The following PRDM16 variants were observed in gnomAD, a reference collection of about 807,000 sequenced individuals.
The protein encoded by PRDM16 is PR/SET domain 16.
PRDM16 carries 23 observed loss-of-function variants against 110.6 expected under a neutral mutation model. The ratio of observed to expected loss-of-function variants is 0.21; its 90% CI spans 0.15 to 0.29. The LOEUF (loss-of-function observed/expected upper bound fraction) is 0.29. Ranked by LOEUF, PRDM16 falls within the 10% of genes least tolerant of loss-of-function variation. PRDM16 has a pLI of 1.00. For missense variants in PRDM16, 1,615 were observed against 1,794.3 expected, an observed-to-expected ratio of 0.90 and a Z score of 1.81; for synonymous variants, 799 against 781.8, an observed-to-expected ratio of 1.02 and a Z score of -0.37.
At chr1:3,395,229 G>T (rs768273854) in intron 4 of PRDM16, among the ~76,000 whole-genome samples, 1 of 152,142 alleles carries the variant, frequency 6.6e-6, no homozygotes, top group Non-Finnish European at 1.5e-5. Context: ...GCCCTGTCTC[G>T]GGGGTGCCCA....
At chr1:3,110,131 C>T in intron 1 of PRDM16, among the ~76,000 whole-genome samples, 1 of 146,014 alleles carries the variant, frequency 6.8e-6, no homozygotes, top group Non-Finnish European at 1.5e-5. Flanking sequence ...TGTGGGGACA[C>T]AGTGTCTGCG....
chr1:3,123,001 G>A (rs1295205837), intron 1 of PRDM16, among the ~76,000 whole-genome samples: 1 of 152,156 alleles, frequency 6.6e-6, no homozygotes, highest in Non-Finnish European at 1.5e-5. Flanking sequence ...TGTGCAAGGG[G>A]CCAAGGTGGG....
rs138275819 is a variant in PRDM16, at chr1:3,118,478, G to A, written c.37+49182G>A. 2.0e-3 allele frequency among the ~76,000 whole-genome samples: 310 copies of A among 152,328 alleles called. 1 individual carries two copies. The highest frequency in any genetic ancestry group is 7.3e-3 in the African/African-American group (305 of 41,582). On this transcript the variant is annotated intron_variant, in intron 1 of 16. Coordinates refer to ENST00000270722, the MANE Select transcript of PRDM16 (RefSeq NM_022114.4). ...GGGGCAGCTTTGGGAGCTAGAAGTGGTTGGATTCCGGGTAGTGTGGCCAGG... is the reference window on the plus strand; with the variant it reads ...GGGGCAGCTTTGGGAGCTAGAAGTGATTGGATTCCGGGTAGTGTGGCCAGG...
Position 3,181,461 on chromosome 1 carries a change from C to T in PRDM16, c.38-4664C>T, listed in dbSNP as rs1459200682. 2.9e-3 allele frequency among the ~76,000 whole-genome samples: 221 copies of T among 76,968 alleles called. 103 individuals carry two copies. Among genetic ancestry groups the T allele is most frequent in the Non-Finnish European group, 4.8e-3 (165 of 34,402 alleles). 50.5% of individuals were successfully genotyped at this position (76,968 alleles called of 152,430 possible). A position where few individuals can be genotyped will look rare whatever the true frequency, so the allele number is the denominator to read the frequency against. On this transcript the variant is annotated intron_variant, in intron 1 of 16. Transcript: ENST00000270722. ...AAGCAGTCTTACACGGTCTTACACA[C>T]GGTCTTACACACGCAGTCTTACACA...
chr1:3,295,581 G>C (rs56250186), intron 3 of PRDM16, among the ~76,000 whole-genome samples: 1 of 152,076 alleles, frequency 6.6e-6, no homozygotes, highest in East Asian at 1.9e-4. Flanking sequence ...TCACCTCCCC[G>C]GGGGCCGTAA....
At chr1:3,184,229 G>T (rs56368055) in intron 1 of PRDM16, among the ~76,000 whole-genome samples, 1 of 152,186 alleles carries the variant, frequency 6.6e-6, no homozygotes, top group Non-Finnish European at 1.5e-5. Context: ...TTTTCCTTAC[G>T]ACTTTTCCCC....
Position 3,244,278 on chromosome 1 carries a change from G to A in PRDM16, c.438+141G>A, listed in dbSNP as rs771460917. On this transcript the variant is annotated intron_variant, in intron 3 of 16. Transcript: ENST00000270722. The surrounding 1 kb of genome is among the most constrained non-coding windows in gnomAD (Gnocchi z 4.1). ...GCAGGCCCCGAGCAATGTGTTATCT[G>A]TGGACTGACGTGTGCACAGGACGGT... 4.0e-6 allele frequency: 3 copies of A among 755,282 alleles called. No homozygotes were observed. Among genetic ancestry groups the A allele is most frequent in the Admixed American group, 2.1e-5 (1 of 47,642 alleles). 46.8% of individuals were successfully genotyped at this position (755,282 alleles called of 1,614,324 possible).
intron 2 of PRDM16, among the ~76,000 whole-genome samples, chr1:3,224,613 C>T (rs1274378994): frequency 2.0e-5 from 3 of 152,248 alleles, no homozygotes; most frequent in Non-Finnish European, 2.9e-5. Context: ...GTGCTCCGGT[C>T]TGACTTGTCT....
rs182736664 is a variant in PRDM16 at position 3,164,210 on chromosome 1, C to T, written c.38-21915C>T. ...GCGTGAGAAACACAGGAGATCATTC[C>T]GTGTTCGTGGTTTTGTAAGGTTTGA... On this transcript the variant is annotated intron_variant, in intron 1 of 16. Transcript: ENST00000270722. Among the ~76,000 whole-genome samples, 394 of 152,354 alleles carry T rather than the reference C, an allele frequency of 2.6e-3. 1 individual carries two copies. The highest frequency in any genetic ancestry group is 4.2e-3 in the Admixed American group (65 of 15,304).
chr1:3,343,496 T>C (rs966141826), intron 3 of PRDM16, among the ~76,000 whole-genome samples: 3 of 144,016 alleles, frequency 2.1e-5, no homozygotes, highest in Admixed American at 7.1e-5. Flanking sequence ...TTTAGTGCTT[T>C]GTTCAGACTT....
At chr1:3,216,167 C>A (rs1018747564) in intron 2 of PRDM16, among the ~76,000 whole-genome samples, 1 of 152,220 alleles carries the variant, frequency 6.6e-6, no homozygotes, top group Non-Finnish European at 1.5e-5. Flanking sequence ...AGGCCACACT[C>A]TCTTTCCATG....
chr1:3,336,338 A>C (rs1410128433), intron 3 of PRDM16, among the ~76,000 whole-genome samples: 3 of 142,094 alleles, frequency 2.1e-5, no homozygotes, highest in Non-Finnish European at 4.8e-5. Flanking sequence ...ATGTGTGTAC[A>C]TGCACATGTG....
chr1:3,421,695 C>T (rs1638434500), intron 12 of PRDM16, among the ~76,000 whole-genome samples: 1 of 152,246 alleles, frequency 6.6e-6, no homozygotes, highest in Non-Finnish European at 1.5e-5. Context: ...GGGACTTGCT[C>T]TCCAGTTTTA....
chr1:3,313,976 A>G (rs1185128841), intron 3 of PRDM16, among the ~76,000 whole-genome samples: 1 of 150,982 alleles, frequency 6.6e-6, no homozygotes, highest in Non-Finnish European at 1.5e-5. Context: ...CATTCATCTG[A>G]ATATGAAATG....
At chr1:3,254,228 A>G (rs1640000351) in intron 3 of PRDM16, among the ~76,000 whole-genome samples, 1 of 152,130 alleles carries the variant, frequency 6.6e-6, no homozygotes, top group Admixed American at 6.5e-5. Flanking sequence ...CCATTTGTCA[A>G]TTTTGGCTTT....
chr1:3,436,324 TC>T lies in PRDM16; in HGVS notation c.*2518del. 1 of 230,954 alleles carries T rather than the reference TC, an allele frequency of 4.3e-6. No individual in the cohort carries two copies. The highest frequency in any genetic ancestry group is 8.6e-6 in the Non-Finnish European group (1 of 116,686). The allele number at this position is 230,954 out of a possible 1,614,324, so 14.3% of individuals were successfully genotyped here. ...GCCGCCCTTACCGTTGGTCTCCGGA[TC>T]CCCCAGTCCCATCCCGCCGTTTTCG... On this transcript the variant is annotated 3_prime_UTR_variant, in exon 17 of 17. Transcript: ENST00000270722.
chr1:3,313,151 T>A (rs1281658404), intron 3 of PRDM16, among the ~76,000 whole-genome samples: 1 of 152,184 alleles, frequency 6.6e-6, no homozygotes, highest in East Asian at 1.9e-4. Flanking sequence ...CGTGAGAGGA[T>A]GATGAAGAGG....
chr1:3,128,414 G>A (rs1250131477), intron 1 of PRDM16, among the ~76,000 whole-genome samples: 2 of 152,112 alleles, frequency 1.3e-5, no homozygotes, highest in Admixed American at 6.5e-5. Context: ...TTCTGATCAC[G>A]ACATCCCATG....
rs551815370 is a variant in PRDM16, at chr1:3,083,784, G to A, written c.37+14488G>A. ...CCCACCATTATCCACCTGACCTTCC[G>A]ACTGCTGGGATTGTGTCTGTGTTGT... On this transcript the variant is annotated intron_variant, in intron 1 of 16. Coordinates refer to ENST00000270722, the MANE Select transcript of PRDM16 (RefSeq NM_022114.4). 1.7e-3 allele frequency among the ~76,000 whole-genome samples: 262 copies of A among 152,320 alleles called. 3 individuals carry two copies. The highest frequency in any genetic ancestry group is 6.0e-3 in the African/African-American group (248 of 41,568).
Sources: allele counts gnomAD v4.1 joint callset (sites outside exome capture counted in the v4.1 genomes callset), GRCh38; gene constraint gnomAD v4.1.1; non-coding constraint Gnocchi (gnomAD v3.1); transcripts MANE v1.5; gene names NCBI Gene and HGNC (gene_info 2026-07-23, HGNC 2026-07-21).